The following MYO6 variants were observed in gnomAD, a reference collection of about 807,000 sequenced individuals.
The protein encoded by MYO6 is unconventional myosin-VI.
MYO6 carries 74 observed loss-of-function variants against 178.7 expected under a neutral mutation model. The observed-to-expected ratio is 0.41, with a 90% CI of 0.34 to 0.50. The LOEUF (loss-of-function observed/expected upper bound fraction) is 0.50, where lower values mean the gene tolerates loss of function less well. MYO6 is among the 20% of genes least tolerant of loss of function. MYO6 has a pLI of 0.09. For missense variants in MYO6, 1,330 were observed against 1,547.4 expected, an observed-to-expected ratio of 0.86 and a Z score of 2.36; for synonymous variants, 477 against 504.6, an observed-to-expected ratio of 0.95 and a Z score of 0.73.
intron 30 of MYO6, among the ~76,000 whole-genome samples, chr6:75,903,762 CTGTCATTATGATGT>C (rs1209678145): frequency 1.3e-5 from 2 of 151,208 alleles, no homozygotes; most frequent in Admixed American, 6.6e-5. Flanking sequence ...GAATTTGATC[CTGTCATTATGATGT>C]TAGCTGGTGA....
At position 75,908,600 on chromosome 6, in the gene MYO6, C is replaced by T. The variant is rs757469296; in HGVS notation, c.3385C>T (p.Arg1129Cys). ...NKKRNTETEQ[R>C]APKSVTDYDF... ...GAAGAGAAATACTGAAACAGAGCAA[C>T]GTGCTCCAAAGTCTGTTACTGATTA... The change falls in exon 32 of 35, where the codon CGT becomes TGT. Residue 1129 changes from arginine to cysteine, a missense_variant. Arg to Cys is a radical substitution (Grantham distance 180, BLOSUM62 -3). Transcript: ENST00000369977. The T allele has an allele frequency of 3.1e-5, 50 of 1,613,268 alleles. No individual in the cohort carries two copies. Among genetic ancestry groups the T allele is most frequent in the East Asian group, 1.6e-4 (7 of 44,766 alleles).
intron 29 of MYO6, among the ~76,000 whole-genome samples, chr6:75,896,408 C>G (rs1044509900): frequency 1.3e-5 from 2 of 152,218 alleles, no homozygotes; most frequent in Non-Finnish European, 2.9e-5. Flanking sequence ...GCTGTATCTA[C>G]AAATACAAAT....
intron 12 of MYO6, among the ~76,000 whole-genome samples, chr6:75,856,610 T>C (rs1036868824): frequency 2.6e-5 from 4 of 152,124 alleles, no homozygotes; most frequent in African/African-American, 9.6e-5. Context: ...TTGAGGACAA[T>C]GGCTCTGTGT....
At position 75,914,916 on chromosome 6, in the gene MYO6, A is replaced by G. The variant is rs201169253; in HGVS notation, c.3762A>G (p.Glu1254=). ...CAAGACAGTTTGAAGAAATCTGGGA[A>G]CGCTGTGGAGGCATCCAGTACCTTC... The part of the protein sequence containing the change: ...ILPRQFEEIW[E]RCGGIQYLQN... Residue 1254 remains glutamate (E), a synonymous_variant, in exon 35 of 35, where the codon GAA becomes GAG. Coordinates refer to ENST00000369977, the MANE Select transcript of MYO6 (RefSeq NM_004999.4). 5.0e-6 allele frequency: 8 copies of G among 1,614,138 alleles called. No homozygotes were observed. Among genetic ancestry groups the G allele is most frequent in the Middle Eastern group, 3.3e-4 (2 of 6,054 alleles).
Position 75,822,118 on chromosome 6 carries a change from A to G in MYO6, c.118-664A>G, listed in dbSNP as rs1233017399. On this transcript the variant is annotated intron_variant, in intron 2 of 34. Transcript: ENST00000369977. Reference sequence around the variant, plus strand: ...TTTTTTTCTGTCTTTTTTTTTTGAGATGGAATTTCACTCTTGTCTTCCAGG... The same window carrying G: ...TTTTTTTCTGTCTTTTTTTTTTGAGGTGGAATTTCACTCTTGTCTTCCAGG... Among the ~76,000 whole-genome samples, 4 of 143,756 alleles carry G rather than the reference A, an allele frequency of 2.8e-5. No homozygotes were observed. The East Asian group carries it at 8.1e-4, about 29-fold the overall frequency. The allele number at this position is 143,756 out of a possible 152,430, so 94.3% of individuals were successfully genotyped here.
intron 2 of MYO6, among the ~76,000 whole-genome samples, chr6:75,820,897 AC>A (rs1771804634): frequency 6.6e-6 from 1 of 152,082 alleles, no homozygotes; most frequent in East Asian, 1.9e-4. Context: ...TCCCTACTAG[AC>A]TATGTAATCT....
chr6:75,782,248 T>C (rs560595267), intron 1 of MYO6, among the ~76,000 whole-genome samples: 2 of 152,190 alleles, frequency 1.3e-5, no homozygotes, highest in Non-Finnish European at 2.9e-5. Context: ...ATTACCTTAA[T>C]GTGTGTCAGT....
intron 1 of MYO6, among the ~76,000 whole-genome samples, chr6:75,761,592 AACACACACACACACACACAC>A (rs3057486): frequency 7.0e-6 from 1 of 142,974 alleles, no homozygotes; most frequent in Admixed American, 7.1e-5. Flanking sequence ...GGGCTGTTAG[AACACACACACACACACACAC>A]ACACACACAC....
chr6:75,753,455 G>GTATATATATATATATATATATATA (rs58108910), intron 1 of MYO6, among the ~76,000 whole-genome samples: 3 of 140,040 alleles, frequency 2.1e-5, no homozygotes, highest in African/African-American at 8.1e-5. Context: ...GTGTGTGTGT[G>GTATATATATATATATATATATATA]TATATATATA....
intron 19 of MYO6, 95 bp from the exon 20 acceptor site, chr6:75,873,106 TATGTTA>T (rs1777279226): frequency 2.2e-6 from 2 of 906,858 alleles, no homozygotes; most frequent in African/African-American, 1.7e-5. Flanking sequence ...TACAGGTTCA[TATGTTA>T]ATGTTAATAT....
intron 33 of MYO6, among the ~76,000 whole-genome samples, chr6:75,913,480 T>C (rs1780915546): frequency 6.6e-6 from 1 of 152,180 alleles, no homozygotes; most frequent in African/African-American, 2.4e-5. Flanking sequence ...TTTTTTGTCA[T>C]ATGGTTGTCT....
chr6:75,781,052 A>T (rs1766931106), intron 1 of MYO6, among the ~76,000 whole-genome samples: 1 of 152,078 alleles, frequency 6.6e-6, no homozygotes, highest in Non-Finnish European at 1.5e-5. Context: ...ACCTCAAGTG[A>T]TCCGCCCACC....
chr6:75,768,278 G>A (rs886664015), intron 1 of MYO6: 8 of 151,968 alleles, frequency 5.3e-5, no homozygotes, highest in African/African-American at 1.9e-4. Context: ...TTAAATACAA[G>A]ATTTTAAAAA....
At chr6:75,908,422 GAATA>G (rs1281550511) in intron 31 of MYO6, 70 bp from the exon 32 acceptor site, 1 of 1,438,778 alleles carries the variant, frequency 7.0e-7, no homozygotes. Flanking sequence ...TTATGCGACA[GAATA>G]ATTATATCAT....
intron 11 of MYO6, among the ~76,000 whole-genome samples, chr6:75,850,651 C>T (rs1229217302): frequency 6.6e-6 from 1 of 152,194 alleles, no homozygotes; most frequent in Non-Finnish European, 1.5e-5. Context: ...GGAGCACGTG[C>T]TCCTGATCCA....
intron 1 of MYO6, among the ~76,000 whole-genome samples, chr6:75,756,228 CAA>C (rs35268480): frequency 1.0e-4 from 15 of 146,108 alleles, no homozygotes; most frequent in East Asian, 6.0e-4. Context: ...GATTCTGTCT[CAA>C]AAAAAAAAAA....
intron 1 of MYO6, among the ~76,000 whole-genome samples, chr6:75,801,749 TG>T (rs2150119171): frequency 6.6e-6 from 1 of 152,200 alleles, no homozygotes; most frequent in African/African-American, 2.4e-5. Flanking sequence ...AAGACCAGCC[TG>T]GCCAACCTGG....
At chr6:75,912,140 G>A (rs989054176) in intron 33 of MYO6, among the ~76,000 whole-genome samples, 1 of 151,888 alleles carries the variant, frequency 6.6e-6, no homozygotes, top group African/African-American at 2.4e-5. Flanking sequence ...AGTGTATAAA[G>A]GTTTAATAAT....
At chr6:75,806,038 C>G (rs1770043442) in intron 1 of MYO6, among the ~76,000 whole-genome samples, 4 of 151,992 alleles carry the variant, frequency 2.6e-5, no homozygotes, top group African/African-American at 9.7e-5. Flanking sequence ...ATTTTGTCAT[C>G]TTTGGTGGGG....
Sources: gnomAD v4.1 joint callset for allele counts (sites outside exome capture counted in the v4.1 genomes callset) on GRCh38, gnomAD v4.1.1 for gene constraint, MANE v1.5 for transcripts, NCBI Gene and HGNC (gene_info 2026-07-23, HGNC 2026-07-21) for gene names.